The following MOB3B variants were observed in gnomAD, a reference collection of about 807,000 sequenced individuals.
MOB3B encodes MOB kinase activator-like 2B.
MOB3B carries 7 observed loss-of-function variants against 18.7 expected under a neutral mutation model. The observed-to-expected ratio is 0.37, with a 90% CI of 0.21 to 0.70. The LOEUF is 0.70. MOB3B is among the 30% of genes least tolerant of loss of function. The pLI, the probability that MOB3B is intolerant of heterozygous loss-of-function variation, is 0.52. For synonymous variants in MOB3B, 111 were observed against 99.9 expected (o/e 1.11, Z -0.66); for missense variants, 253 against 281.3 (o/e 0.90, Z 0.72).
At chr9:27,445,587 C>A (rs1310999314) in intron 2 of MOB3B, among the ~76,000 whole-genome samples, 1 of 152,142 alleles carries the variant, frequency 6.6e-6, no homozygotes, top group Non-Finnish European at 1.5e-5. Context: ...TTCTTTTCCA[C>A]TTTGAGATGC....
chr9:27,439,403 A>G (rs897817747), intron 2 of MOB3B, among the ~76,000 whole-genome samples: 3 of 152,176 alleles, frequency 2.0e-5, no homozygotes, highest in African/African-American at 7.2e-5. Flanking sequence ...CCATACATAC[A>G]TACACACATA....
chr9:27,397,335 A>G (rs899661783), intron 2 of MOB3B: 1 of 152,166 alleles, frequency 6.6e-6, no homozygotes, highest in Non-Finnish European at 1.5e-5. Flanking sequence ...CAAGATTGCT[A>G]TATTAACAGC....
chr9:27,401,379 G>C (rs1331446653), intron 2 of MOB3B, among the ~76,000 whole-genome samples: 1 of 152,168 alleles, frequency 6.6e-6, no homozygotes, highest in African/African-American at 2.4e-5. Context: ...GTGGCCCAGG[G>C]CTCCTTTTGG....
chr9:27,332,807 T>C (rs754232276), intron 3 of MOB3B, among the ~76,000 whole-genome samples: 2 of 152,218 alleles, frequency 1.3e-5, no homozygotes, highest in African/African-American at 2.4e-5. Flanking sequence ...CCAGGTCACA[T>C]AGAAAGCTGC....
chr9:27,369,688 TGAAGCTA>T (rs1821386000), intron 2 of MOB3B, among the ~76,000 whole-genome samples: 2 of 152,268 alleles, frequency 1.3e-5, no homozygotes, highest in Non-Finnish European at 2.9e-5. Flanking sequence ...TCCAGCCATC[TGAAGCTA>T]CGATCCTCTT....
At chr9:27,384,295 A>G (rs937243235) in intron 2 of MOB3B, among the ~76,000 whole-genome samples, 3 of 152,104 alleles carry the variant, frequency 2.0e-5, no homozygotes, top group South Asian at 4.1e-4. Context: ...AAGGAAACAA[A>G]CTACTATCAT....
intron 2 of MOB3B, among the ~76,000 whole-genome samples, chr9:27,448,540 A>C (rs1280195763): frequency 6.6e-6 from 1 of 152,174 alleles, no homozygotes; most frequent in Non-Finnish European, 1.5e-5. Flanking sequence ...AGACTTATTC[A>C]CTACCCATGA....
intron 2 of MOB3B, among the ~76,000 whole-genome samples, chr9:27,422,061 G>A (rs1822261727): frequency 6.6e-6 from 1 of 152,096 alleles, no homozygotes; most frequent in Non-Finnish European, 1.5e-5. Flanking sequence ...ACCCAGTAGG[G>A]GCTCCATTAA....
intron 1 of MOB3B, among the ~76,000 whole-genome samples, chr9:27,511,273 T>A (rs796379516): frequency 1.1e-4 from 17 of 152,240 alleles, no homozygotes; most frequent in Admixed American, 3.3e-4. Context: ...TATTTTATAC[T>A]TAAATAACAG....
chr9:27,370,477 C>G (rs914798623), intron 2 of MOB3B, among the ~76,000 whole-genome samples: 1 of 145,448 alleles, frequency 6.9e-6, no homozygotes, highest in Admixed American at 6.9e-5. Flanking sequence ...CATTGCACTC[C>G]AGACTGGGCA....
At chr9:27,436,698 A>T (rs545257091) in intron 2 of MOB3B, among the ~76,000 whole-genome samples, 1 of 152,324 alleles carries the variant, frequency 6.6e-6, no homozygotes, top group South Asian at 2.1e-4. Flanking sequence ...GGAATTATTG[A>T]TCTTCTTATC....
At chr9:27,487,720 T>C (rs190078025) in intron 1 of MOB3B, among the ~76,000 whole-genome samples, 11 of 152,216 alleles carry the variant, frequency 7.2e-5, no homozygotes, top group Non-Finnish European at 1.6e-4. Flanking sequence ...GTTCGAAGAT[T>C]TTTCACTTTT....
intron 2 of MOB3B, among the ~76,000 whole-genome samples, chr9:27,448,602 C>T (rs1164210226): frequency 1.3e-5 from 2 of 152,132 alleles, no homozygotes; most frequent in Admixed American, 6.5e-5. Context: ...CCACTGGGTC[C>T]CTCCCACCAT....
chr9:27,405,946 A>G (rs1587187893), intron 2 of MOB3B, among the ~76,000 whole-genome samples: 2 of 152,348 alleles, frequency 1.3e-5, no homozygotes. Flanking sequence ...AAAGCCATAT[A>G]TAACATACCC....
intron 2 of MOB3B, among the ~76,000 whole-genome samples, chr9:27,376,401 G>A (rs1821490176): frequency 6.6e-6 from 1 of 152,192 alleles, no homozygotes; most frequent in Non-Finnish European, 1.5e-5. Context: ...GAAATGAAAT[G>A]AATGAGCACT....
intron 2 of MOB3B, among the ~76,000 whole-genome samples, chr9:27,435,047 TTCTCTCTCTC>T (rs60408942): frequency 0.014 from 2,004 of 145,578 alleles, 18 homozygotes; most frequent in Middle Eastern, 0.035. Flanking sequence ...TGTAAGGTGT[TTCTCTCTCTC>T]TCTCTCTCTC....
chr9:27,378,725 G>C (rs985447533), intron 2 of MOB3B: 2 of 469,456 alleles, frequency 4.3e-6, no homozygotes, highest in African/African-American at 4.0e-5. Flanking sequence ...TGCATGGGCA[G>C]AGCTGGGCAT....
intron 1 of MOB3B, among the ~76,000 whole-genome samples, chr9:27,473,413 G>A (rs545426082): frequency 2.3e-4 from 35 of 152,186 alleles, no homozygotes; most frequent in Non-Finnish European, 1.8e-4. Flanking sequence ...CTCACAGGAG[G>A]GCACAGGCAG....
chr9:27,358,945 G>C (rs1469072746), intron 3 of MOB3B, 89 bp downstream of exon 3: 3 of 1,328,582 alleles, frequency 2.3e-6, no homozygotes, highest in Non-Finnish European at 3.3e-6. Context: ...AGCCATCAAT[G>C]AGCATTTTCC....
Sources: allele counts gnomAD v4.1 joint callset (sites outside exome capture counted in the v4.1 genomes callset), GRCh38; gene constraint gnomAD v4.1.1; transcripts MANE v1.5; gene names NCBI Gene and HGNC (gene_info 2026-07-23, HGNC 2026-07-21).